The following MARCHF1 variants were observed in gnomAD, a reference collection of about 807,000 sequenced individuals.
The protein encoded by MARCHF1 is E3 ubiquitin-protein ligase MARCHF1.
Under a neutral mutation model 54.2 loss-of-function variants are expected in MARCHF1, and 40 were observed. That is an observed-to-expected ratio of 0.74 (90% confidence interval 0.57 to 0.96). The LOEUF (loss-of-function observed/expected upper bound fraction) is 0.96. Ranked by LOEUF, MARCHF1 falls within the 40% of genes least tolerant of loss-of-function variation. The pLI is 0.00. For missense variants in MARCHF1, 586 were observed against 656.5 expected (o/e 0.89, Z 1.17); for synonymous variants, 236 against 236.3 (o/e 1.00, Z 0.01).
intron 1 of MARCHF1, among the ~76,000 whole-genome samples, chr4:164,209,253 T>C (rs1037618728): frequency 2.6e-5 from 4 of 152,122 alleles, no homozygotes; most frequent in African/African-American, 9.7e-5. Flanking sequence ...CTCCTCCAAA[T>C]AGTAATTCAG....
At chr4:164,233,075 A>G (rs1343165709) in intron 1 of MARCHF1, among the ~76,000 whole-genome samples, 1 of 152,180 alleles carries the variant, frequency 6.6e-6, no homozygotes, top group East Asian at 1.9e-4. Context: ...GAGGCTTTTA[A>G]GCATCTAAAG....
At chr4:163,953,316 A>T (rs1010823986) in intron 3 of MARCHF1, among the ~76,000 whole-genome samples, 3 of 152,238 alleles carry the variant, frequency 2.0e-5, no homozygotes, top group Middle Eastern at 3.4e-3. Context: ...ATTTCTACCC[A>T]CTTTCTTGCT....
At chr4:163,561,333 T>A (rs1397575929) in intron 8 of MARCHF1, among the ~76,000 whole-genome samples, 1 of 152,210 alleles carries the variant, frequency 6.6e-6, no homozygotes, top group African/African-American at 2.4e-5. Flanking sequence ...TTTTAGGTTT[T>A]ACATTTTGTA....
intron 1 of MARCHF1, among the ~76,000 whole-genome samples, chr4:164,211,926 T>C (rs758186490): frequency 1.3e-5 from 2 of 152,112 alleles, no homozygotes; most frequent in Non-Finnish European, 2.9e-5. Context: ...TGAATGCTTA[T>C]AGGAAAGAAT....
chr4:163,915,406 G>GA (rs1464121154), intron 3 of MARCHF1, among the ~76,000 whole-genome samples: 2 of 152,002 alleles, frequency 1.3e-5, no homozygotes, highest in Non-Finnish European at 2.9e-5. Flanking sequence ...TCAAGATTAT[G>GA]AAAAACTGAG....
intron 1 of MARCHF1, among the ~76,000 whole-genome samples, chr4:164,272,774 T>G (rs1333658083): frequency 6.6e-6 from 1 of 151,856 alleles, no homozygotes; most frequent in Non-Finnish European, 1.5e-5. Context: ...ATATTTTCTA[T>G]GTATTGAATG....
intron 1 of MARCHF1, among the ~76,000 whole-genome samples, chr4:164,134,866 T>A (rs1446645379): frequency 4.0e-5 from 5 of 124,352 alleles, no homozygotes; most frequent in African/African-American, 5.6e-5. Context: ...AAAAAAAAAA[T>A]TGCTTAAGTT....
intron 5 of MARCHF1, among the ~76,000 whole-genome samples, chr4:163,662,855 G>A (rs970501282): frequency 2.0e-5 from 3 of 151,932 alleles, no homozygotes; most frequent in South Asian, 4.1e-4. Context: ...CCGGCATTCC[G>A]AGGCAAATAT....
At chr4:164,106,575 ATG>A (rs1173205654) in intron 2 of MARCHF1, among the ~76,000 whole-genome samples, 2 of 143,188 alleles carry the variant, frequency 1.4e-5, no homozygotes, top group African/African-American at 5.4e-5. Context: ...ATGAGATCAC[ATG>A]GACACAGGAA....
At chr4:163,824,872 C>G (rs1354103919) in intron 4 of MARCHF1, among the ~76,000 whole-genome samples, 1 of 135,646 alleles carries the variant, frequency 7.4e-6, no homozygotes, top group Non-Finnish European at 1.6e-5. Flanking sequence ...TTTATGCAGC[C>G]AAAAAGCACA....
At chr4:164,326,957 T>TGGTGTGTGTG (rs1735296438) in intron 1 of MARCHF1, among the ~76,000 whole-genome samples, 1 of 133,664 alleles carries the variant, frequency 7.5e-6, no homozygotes, top group African/African-American at 2.9e-5. Flanking sequence ...GTTGTAAGGA[T>TGGTGTGTGTG]TGTGTGTGTG....
chr4:163,627,643 A>G (rs1342754916), intron 5 of MARCHF1, among the ~76,000 whole-genome samples: 1 of 152,068 alleles, frequency 6.6e-6, no homozygotes, highest in East Asian at 1.9e-4. Flanking sequence ...GGAGATAAAG[A>G]TGATGACAAA....
intron 2 of MARCHF1, among the ~76,000 whole-genome samples, chr4:164,044,098 G>A (rs1296209260): frequency 6.6e-6 from 1 of 152,098 alleles, no homozygotes; most frequent in Non-Finnish European, 1.5e-5. Flanking sequence ...ACATATTCCT[G>A]TATTCTTCTG....
intron 3 of MARCHF1, among the ~76,000 whole-genome samples, chr4:163,971,750 C>A (rs1752551159): frequency 6.6e-6 from 1 of 152,160 alleles, no homozygotes; most frequent in Non-Finnish European, 1.5e-5. Flanking sequence ...ATAAATATGT[C>A]TCCATGGTAA....
At chr4:163,576,692 A>T (rs1234761289) in intron 8 of MARCHF1, among the ~76,000 whole-genome samples, 1 of 151,990 alleles carries the variant, frequency 6.6e-6, no homozygotes, top group Admixed American at 6.6e-5. Flanking sequence ...CTTTTCTTAG[A>T]TCTACAAGTA....
At chr4:164,173,814 T>C (rs1730590439) in intron 1 of MARCHF1, among the ~76,000 whole-genome samples, 1 of 152,222 alleles carries the variant, frequency 6.6e-6, no homozygotes, top group African/African-American at 2.4e-5. Flanking sequence ...TGCAGAATCG[T>C]GAGCCAAAAT....
chr4:164,002,888 A>G (rs1369728896), intron 2 of MARCHF1, among the ~76,000 whole-genome samples: 11 of 151,962 alleles, frequency 7.2e-5, no homozygotes, highest in Non-Finnish European at 1.5e-4. Context: ...TACATCTGAA[A>G]TAAAAAAGCC....
At chr4:164,322,103 A>G (rs1359617957) in intron 1 of MARCHF1, among the ~76,000 whole-genome samples, 1 of 152,110 alleles carries the variant, frequency 6.6e-6, no homozygotes. Flanking sequence ...AGGGGTGAGG[A>G]GAAACATTTA....
At chr4:163,771,449 A>G (rs1747158697) in intron 4 of MARCHF1, among the ~76,000 whole-genome samples, 1 of 152,164 alleles carries the variant, frequency 6.6e-6, no homozygotes, top group Admixed American at 6.5e-5. Flanking sequence ...TGGAGGCTGG[A>G]AAGTGCAAGA....
Sources: gnomAD v4.1 joint callset for allele counts (sites outside exome capture counted in the v4.1 genomes callset) on GRCh38, gnomAD v4.1.1 for gene constraint, MANE v1.5 for transcripts, NCBI Gene and HGNC (gene_info 2026-07-23, HGNC 2026-07-21) for gene names.